Variants in AHCYL2 observed in about 807,000 individuals in gnomAD.
The protein encoded by AHCYL2 is S-adenosylhomocysteine hydrolase-like protein 2.
In AHCYL2, 28 loss-of-function variants were observed where a neutral mutation model predicts 81.4. That is an observed-to-expected ratio of 0.34 (90% CI 0.25 to 0.47). AHCYL2 has a LOEUF of 0.47. Among genes scored for constraint, AHCYL2 ranks in the 20% least tolerant of loss-of-function variants. The pLI is 1.00. For synonymous variants in AHCYL2, 272 were observed against 290.2 expected (o/e 0.94, Z 0.64); for missense variants, 551 against 785.1 (o/e 0.70, Z 3.56).
chr7:129,375,515 A>T, intron 1 of AHCYL2: 1 of 685,960 alleles, frequency 1.5e-6, no homozygotes, highest in Non-Finnish European at 1.9e-6. Flanking sequence ...TTATATAAAT[A>T]AGCTATTGTT....
At chr7:129,277,275 T>A (rs967926139) in intron 1 of AHCYL2, among the ~76,000 whole-genome samples, 30 of 140,984 alleles carry the variant, frequency 2.1e-4, no homozygotes, top group Middle Eastern at 3.4e-3. Flanking sequence ...CTAAAGTCTC[T>A]CTCTTTTTTT....
chr7:129,319,773 C>A (rs1797951426), intron 1 of AHCYL2, among the ~76,000 whole-genome samples: 1 of 152,156 alleles, frequency 6.6e-6, no homozygotes, highest in Admixed American at 6.5e-5. Flanking sequence ...TCGTTTATAA[C>A]TGAATGGATA....
chr7:129,241,711 AT>A (rs1464911465), intron 1 of AHCYL2, among the ~76,000 whole-genome samples: 1 of 152,206 alleles, frequency 6.6e-6, no homozygotes, highest in Non-Finnish European at 1.5e-5. Context: ...TTTTTTAAAG[AT>A]GTAAAACATT....
chr7:129,322,345 G>A (rs1257099901), intron 1 of AHCYL2, among the ~76,000 whole-genome samples: 1 of 152,040 alleles, frequency 6.6e-6, no homozygotes, highest in East Asian at 1.9e-4. Flanking sequence ...TTGCCATGTT[G>A]GCCAGGCTGG....
At chr7:129,367,462 G>T (rs751048274) in intron 1 of AHCYL2, among the ~76,000 whole-genome samples, 2 of 152,206 alleles carry the variant, frequency 1.3e-5, no homozygotes, top group African/African-American at 2.4e-5. Flanking sequence ...GAAGTGTGCA[G>T]CAAGGAGGGA....
chr7:129,317,034 T>G (rs1168580921), intron 1 of AHCYL2, among the ~76,000 whole-genome samples: 8 of 152,210 alleles, frequency 5.3e-5, no homozygotes, highest in Non-Finnish European at 1.0e-4. Flanking sequence ...AGGTCTCTGT[T>G]ATTTCTCAGT....
At chr7:129,281,571 A>G (rs1796449547) in intron 1 of AHCYL2, among the ~76,000 whole-genome samples, 1 of 138,332 alleles carries the variant, frequency 7.2e-6, no homozygotes, top group Non-Finnish European at 1.5e-5. Flanking sequence ...ATCTCGGCTC[A>G]CTGCAAACTC....
chr7:129,384,058 CCA>C, intron 2 of AHCYL2, among the ~76,000 whole-genome samples: 1 of 152,056 alleles, frequency 6.6e-6, no homozygotes, highest in East Asian at 1.9e-4. Context: ...TTGAGCCATT[CCA>C]CAATGTGTAC....
intron 1 of AHCYL2, among the ~76,000 whole-genome samples, chr7:129,329,449 TG>T (rs1460868778): frequency 5.3e-5 from 8 of 152,118 alleles, no homozygotes; most frequent in African/African-American, 1.9e-4. Flanking sequence ...CCCAAAATGC[TG>T]GGATTACAGG....
In AHCYL2 at chr7:129,225,301, C is replaced by A; in HGVS notation, c.225C>A (p.Pro75=). Residue 75 remains proline, a synonymous_variant, in exon 1 of 17, where the codon CCC becomes CCA. Coordinates refer to ENST00000325006, the MANE Select transcript of AHCYL2 (RefSeq NM_015328.4). ...CGGGGCCCGCCGCCGCTCTCAGCCC[C>A]GCCGCCGGGAAGGTGCCTCAGGCGT... The part of the protein sequence containing the change: ...PGSGPAAALS[P]AAGKVPQASA... 1 of 1,476,772 alleles carries A rather than the reference C, an allele frequency of 6.8e-7. No homozygotes were observed. The highest frequency in any genetic ancestry group is 8.9e-7 in the Non-Finnish European group (1 of 1,122,250). 91.5% of individuals were successfully genotyped at this position (1,476,772 alleles called of 1,614,324 possible).
intron 1 of AHCYL2, among the ~76,000 whole-genome samples, chr7:129,298,383 A>G (rs1797127297): frequency 6.6e-6 from 1 of 152,196 alleles, no homozygotes; most frequent in Non-Finnish European, 1.5e-5. Context: ...GGATATGAAG[A>G]TAGTTTAAAT....
intron 1 of AHCYL2, among the ~76,000 whole-genome samples, chr7:129,342,594 A>G (rs1050449720): frequency 2.0e-5 from 3 of 152,192 alleles, no homozygotes; most frequent in Non-Finnish European, 4.4e-5. Context: ...ATTATAATCA[A>G]CTGTTGAAAC....
At chr7:129,350,714 C>CTTTTTTTTTTTTTTTTTTTTTTTTT (rs56115169) in intron 1 of AHCYL2, among the ~76,000 whole-genome samples, 1 of 122,148 alleles carries the variant, frequency 8.2e-6, no homozygotes, top group African/African-American at 3.0e-5. Flanking sequence ...TTCTTTCTTT[C>CTTTTTTTTTTTTTTTTTTTTTTTTT]TTTTTTTTTT....
intron 1 of AHCYL2, among the ~76,000 whole-genome samples, chr7:129,353,487 C>A (rs527979688): frequency 1.3e-5 from 2 of 151,996 alleles, no homozygotes; most frequent in East Asian, 3.9e-4. Flanking sequence ...GTAGTTTCTT[C>A]CTTTTATACC....
At chr7:129,418,259 A>G (rs910222632) in intron 12 of AHCYL2, among the ~76,000 whole-genome samples, 2 of 152,176 alleles carry the variant, frequency 1.3e-5, no homozygotes, top group African/African-American at 4.8e-5. Flanking sequence ...TAGATGAGTG[A>G]CAAAATCTGA....
chr7:129,357,883 G>A (rs1252530438), intron 1 of AHCYL2, among the ~76,000 whole-genome samples: 2 of 150,530 alleles, frequency 1.3e-5, no homozygotes, highest in Non-Finnish European at 3.0e-5. Context: ...GCAGTGAGCT[G>A]AGATCAGGCC....
At chr7:129,340,534 C>G (rs1371010276) in intron 1 of AHCYL2, among the ~76,000 whole-genome samples, 1 of 149,880 alleles carries the variant, frequency 6.7e-6, no homozygotes, top group African/African-American at 2.5e-5. Flanking sequence ...CGCCACTGCA[C>G]TCCAGCCTGG....
chr7:129,384,171 TTC>T (rs1312423109), intron 2 of AHCYL2, among the ~76,000 whole-genome samples: 1 of 151,464 alleles, frequency 6.6e-6, no homozygotes, highest in Non-Finnish European at 1.5e-5. Context: ...CCACCCAACA[TTC>T]TCTGTCAAAT....
intron 1 of AHCYL2, among the ~76,000 whole-genome samples, chr7:129,338,282 A>G (rs1051723922): frequency 6.6e-6 from 1 of 151,642 alleles, no homozygotes; most frequent in Non-Finnish European, 1.5e-5. Flanking sequence ...CTGAGTAGCT[A>G]GGACTAAAGG....
Sources: allele counts gnomAD v4.1 joint callset (sites outside exome capture counted in the v4.1 genomes callset), GRCh38; gene constraint gnomAD v4.1.1; transcripts MANE v1.5; gene names NCBI Gene and HGNC (gene_info 2026-07-23, HGNC 2026-07-21).